RBFOX1: variants seen among roughly 807,000 people sequenced by gnomAD.
The protein encoded by RBFOX1 is RNA binding fox-1 homolog 1.
Under a neutral mutation model 57.7 loss-of-function variants are expected in RBFOX1, and 8 were observed. The ratio of observed to expected loss-of-function variants is 0.14; its 90% CI spans 0.08 to 0.25. The LOEUF is 0.25. Ranked by LOEUF, RBFOX1 falls within the 10% of genes least tolerant of loss-of-function variation. The pLI, the probability that RBFOX1 is intolerant of heterozygous loss-of-function variation, is 1.00. For missense variants in RBFOX1, 611 were observed against 548.5 expected (o/e 1.11, Z -1.14); for synonymous variants, 326 against 222.4 (o/e 1.47, Z -4.15).
At chr16:5,825,554 T>C (rs1478105432) in intron 3 of RBFOX1, among the ~76,000 whole-genome samples, 2 of 152,212 alleles carry the variant, frequency 1.3e-5, no homozygotes, top group Non-Finnish European at 2.9e-5. Flanking sequence ...AGTGCATTTT[T>C]TATGGTAAAA....
intron 2 of RBFOX1, among the ~76,000 whole-genome samples, chr16:6,504,417 A>G (rs931988223): frequency 1.3e-5 from 2 of 152,202 alleles, no homozygotes; most frequent in African/African-American, 4.8e-5. Flanking sequence ...GCACTGGTGT[A>G]TGCTTCACCA....
At chr16:6,218,371 C>T (rs2097349918) in intron 1 of RBFOX1, among the ~76,000 whole-genome samples, 1 of 152,064 alleles carries the variant, frequency 6.6e-6, no homozygotes, top group South Asian at 2.1e-4. Context: ...TGCAGTGGCA[C>T]AATCTCGGCT....
At chr16:7,404,241 C>G (rs894611259) in intron 4 of RBFOX1, among the ~76,000 whole-genome samples, 2 of 151,784 alleles carry the variant, frequency 1.3e-5, no homozygotes, top group Non-Finnish European at 2.9e-5. Context: ...TTAGTACAGA[C>G]GGGGTTTCAC....
intron 3 of RBFOX1, among the ~76,000 whole-genome samples, chr16:5,816,179 C>A (rs2055627545): frequency 6.6e-6 from 1 of 152,176 alleles, no homozygotes; most frequent in African/African-American, 2.4e-5. Context: ...TGCTCCTCAT[C>A]CTTCATCTCT....
At chr16:6,431,949 C>A (rs896163677) in intron 2 of RBFOX1, among the ~76,000 whole-genome samples, 1 of 139,718 alleles carries the variant, frequency 7.2e-6, no homozygotes, top group African/African-American at 2.7e-5. Context: ...TTCTTTCTTT[C>A]TTTCTTTCTT....
In RBFOX1 at chr16:5,908,137, C is replaced by CAT. The variant is rs1209168345; in HGVS notation, c.351+40808_351+40809dup. 1.6e-3 allele frequency among the ~76,000 whole-genome samples: 206 copies of CAT among 130,980 alleles called. 1 individual carries two copies. The highest frequency in any genetic ancestry group is 7.2e-3 in the African/African-American group (191 of 26,434). 85.9% of individuals were successfully genotyped at this position (130,980 alleles called of 152,430 possible). A position where few individuals can be genotyped will look rare whatever the true frequency, so the allele number is the denominator to read the frequency against. On this transcript the variant is annotated intron_variant, in intron 4 of 19. Coordinates refer to the RBFOX1 transcript ENST00000641259. ...ACATATATACACATATATATATACA[C>CAT]ATATATACACATATATACACATATA...
intron 2 of RBFOX1, among the ~76,000 whole-genome samples, chr16:6,606,589 T>C (rs1363078863): frequency 6.6e-6 from 1 of 152,180 alleles, no homozygotes; most frequent in African/African-American, 2.4e-5. Context: ...ATTGTTCAGC[T>C]CCCACCTGGA....
rs145498650 is a variant in RBFOX1, at chr16:7,058,005, G to GAAAAAAAAAAAAAAAA, written c.27+5907_27+5908insAAAAAAAAAAAAAAAA. On this transcript the variant is annotated intron_variant, in intron 4 of 15. Coordinates refer to ENST00000550418, the MANE Select transcript of RBFOX1 (RefSeq NM_018723.4). The stretch of plus-strand genomic sequence containing the variant: ...TCTGGTCGACAGAGGGAGACTGTGG[G>GAAAAAAAAAAAAAAAA]GAAAAAAAAAAAAAAAACACGAAAA... 4.1e-5 allele frequency among the ~76,000 whole-genome samples: 5 copies of GAAAAAAAAAAAAAAAA among 121,618 alleles called. 2 individuals are homozygous for GAAAAAAAAAAAAAAAA. The highest frequency in any genetic ancestry group is 5.0e-5 in the Non-Finnish European group (3 of 59,912). The allele number at this position is 121,618 out of a possible 152,430, so 79.8% of individuals were successfully genotyped here. A position where few individuals can be genotyped will look rare whatever the true frequency, so the allele number is the denominator to read the frequency against.
chr16:6,681,596 G>C (rs1432889779), intron 3 of RBFOX1, among the ~76,000 whole-genome samples: 1 of 150,306 alleles, frequency 6.7e-6, no homozygotes, highest in African/African-American at 2.4e-5. Flanking sequence ...TGGCCCGTTA[G>C]TTAAAGCCGT....
Position 5,975,977 on chromosome 16 carries a change from C to G in RBFOX1, c.351+108642C>G, listed in dbSNP as rs141497626. Among the ~76,000 whole-genome samples the G allele has an allele frequency of 4.6e-3, 698 of 152,186 alleles. 6 individuals carry two copies. The highest frequency in any genetic ancestry group is 0.015 in the African/African-American group (628 of 41,492). On this transcript the variant is annotated intron_variant, in intron 4 of 19. Coordinates refer to the RBFOX1 transcript ENST00000641259. ...TGGCCAACACGGTGAAACCCCATCT[C>G]TGCTAATAATACAAAAATTAGCCGG...
chr16:7,239,041 A>G (rs898929743), intron 4 of RBFOX1, among the ~76,000 whole-genome samples: 1 of 152,148 alleles, frequency 6.6e-6, no homozygotes, highest in Non-Finnish European at 1.5e-5. Flanking sequence ...CCAGTCTATC[A>G]TTGATGGGCA....
At chr16:7,629,198 G>GT (rs1375411081) in intron 10 of RBFOX1, among the ~76,000 whole-genome samples, 2 of 152,144 alleles carry the variant, frequency 1.3e-5, no homozygotes, top group Non-Finnish European at 2.9e-5. Context: ...TGTCAGACCG[G>GT]TAACAGGGGA....
At chr16:7,191,245 T>G (rs1344024146) in intron 4 of RBFOX1, among the ~76,000 whole-genome samples, 11 of 152,128 alleles carry the variant, frequency 7.2e-5, no homozygotes, top group Non-Finnish European at 5.9e-5. Flanking sequence ...GTCTTTAATA[T>G]TTGATGGGAG....
At chr16:6,152,330 T>TTC (rs1040458747) in intron 1 of RBFOX1, among the ~76,000 whole-genome samples, 4 of 151,768 alleles carry the variant, frequency 2.6e-5, no homozygotes, top group Non-Finnish European at 5.9e-5. Context: ...CTCTCTGTCT[T>TTC]TCTCTCTCTC....
At chr16:7,440,571 A>G (rs2098758163) in intron 4 of RBFOX1, among the ~76,000 whole-genome samples, 1 of 152,144 alleles carries the variant, frequency 6.6e-6, no homozygotes, top group Admixed American at 6.5e-5. Context: ...GGACTTAGAG[A>G]TCCTGTTGTG....
At chr16:7,197,237 G>A (rs1318933740) in intron 4 of RBFOX1, among the ~76,000 whole-genome samples, 1 of 152,110 alleles carries the variant, frequency 6.6e-6, no homozygotes. Flanking sequence ...CTTTAGGGAT[G>A]AAGAAAATGA....
At chr16:7,175,809 C>G (rs539182279) in intron 4 of RBFOX1, among the ~76,000 whole-genome samples, 1 of 152,262 alleles carries the variant, frequency 6.6e-6, no homozygotes, top group Admixed American at 6.5e-5. Context: ...GCACATGTTT[C>G]TCAGCTGGGT....
intron 2 of RBFOX1, among the ~76,000 whole-genome samples, chr16:6,352,678 A>C (rs1009371419): frequency 6.6e-6 from 1 of 152,198 alleles, no homozygotes; most frequent in Admixed American, 6.5e-5. Flanking sequence ...TTGCTCAAAA[A>C]GGATATCCTG....
intron 2 of RBFOX1, among the ~76,000 whole-genome samples, chr16:6,387,709 G>A (rs980680864): frequency 6.6e-6 from 1 of 152,000 alleles, no homozygotes; most frequent in African/African-American, 2.4e-5. Flanking sequence ...TTTGTTTTGA[G>A]GGTGTATAGT....
Sources: allele counts gnomAD v4.1 joint callset (sites outside exome capture counted in the v4.1 genomes callset), GRCh38; gene constraint gnomAD v4.1.1; transcripts MANE v1.5; gene names NCBI Gene and HGNC (gene_info 2026-07-23, HGNC 2026-07-21).